EIF3D: variants seen among roughly 807,000 people sequenced by gnomAD.
The protein encoded by EIF3D is eIF3 p66.
A neutral mutation model predicts 75.4 loss-of-function variants in EIF3D; 10 were observed. The ratio of observed to expected loss-of-function variants is 0.13; its 90% CI spans 0.08 to 0.22. EIF3D has a LOEUF of 0.22. Ranked by LOEUF, EIF3D falls within the 10% of genes least tolerant of loss-of-function variation. EIF3D has a pLI of 1.00. For missense variants in EIF3D, 394 were observed against 708.0 expected (o/e 0.56, Z 5.03); for synonymous variants, 246 against 248.3 (o/e 0.99, Z 0.09).
At chr22:36,511,049 G>A (rs368574676) in intron 14 of EIF3D, 49 bp from the exon 15 acceptor site, 46 of 1,591,416 alleles carry the variant, frequency 2.9e-5, no homozygotes, top group Non-Finnish European at 3.7e-5. Context: ...TGTGTGATAT[G>A]ATGTTCACTT....
chr22:36,521,585 A>T (rs751202062), intron 6 of EIF3D, among the ~76,000 whole-genome samples: 8 of 152,172 alleles, frequency 5.3e-5, no homozygotes, highest in Non-Finnish European at 1.2e-4. Flanking sequence ...GCTCAAAACA[A>T]CATGATGTAT....
At chr22:36,522,845 C>T (rs1392783409) in intron 6 of EIF3D, among the ~76,000 whole-genome samples, 2 of 152,134 alleles carry the variant, frequency 1.3e-5, no homozygotes, top group African/African-American at 2.4e-5. Context: ...ACCCTGCTCC[C>T]GCTTCTGCTT....
chr22:36,522,281 C>T (rs1354758977), intron 6 of EIF3D, among the ~76,000 whole-genome samples: 3 of 152,050 alleles, frequency 2.0e-5, no homozygotes, highest in African/African-American at 7.2e-5. Context: ...TTGAACCCAG[C>T]AGGCAGAGGT....
At position 36,526,107 on chromosome 22, in the gene EIF3D, C is replaced by T. The variant is rs1402475551; in HGVS notation, c.15G>A (p.Met5Ile). Residue 5 changes from methionine to isoleucine, a missense_variant, in exon 2 of 15, where the codon ATG becomes ATA. Physicochemically the swap from Met to Ile is conservative, Grantham distance 10. Coordinates refer to ENST00000216190, the MANE Select transcript of EIF3D (RefSeq NM_003753.4). ...AGGGGTTGTCCTGGATCACGGGTGT[C>T]ATGAACTTTGCCATCTTCCAAAATC... Reference protein sequence around the residue: MAKFMTPVIQDNPSG... With the variant: MAKFITPVIQDNPSG... The T allele has an allele frequency of 6.2e-7, 1 of 1,606,500 alleles. No individual in the cohort carries two copies. Among genetic ancestry groups the T allele is most frequent in the Admixed American group, 1.7e-5 (1 of 58,644 alleles).
In EIF3D at chr22:36,520,606, C is replaced by T. The variant is rs749458696; in HGVS notation, c.548G>A (p.Arg183His). 5.0e-6 allele frequency: 8 copies of T among 1,613,116 alleles called. No homozygotes were observed. Among genetic ancestry groups the T allele is most frequent in the East Asian group, 4.5e-5 (2 of 44,866 alleles). ...CTGTGGCTCTGATACTTCCAAGTAG[C>T]GCATCTTCATCAACTGAGGAAAATC... ...EMDFPQLMKM[R>H]YLEVSEPQDI... is the part of the protein sequence containing the mutation. The change falls in exon 7 of 15, where the codon CGC becomes CAC. Residue 183 changes from arginine (R) to histidine (H), a missense_variant. Physicochemically the swap from Arg to His is conservative, Grantham distance 29 (BLOSUM62 0). Coordinates refer to ENST00000216190, the MANE Select transcript of EIF3D (RefSeq NM_003753.4).
intron 12 of EIF3D, among the ~76,000 whole-genome samples, chr22:36,515,894 CG>C (rs576909294): frequency 1.3e-4 from 1 of 7,558 alleles, no homozygotes; most frequent in Admixed American, 2.0e-3. Context: ...GTGATGTGGG[CG>C]GGGGGGCGGA....
intron 1 of EIF3D, among the ~76,000 whole-genome samples, chr22:36,527,265 C>T (rs1934619654): frequency 6.6e-6 from 1 of 152,170 alleles, no homozygotes; most frequent in Non-Finnish European, 1.5e-5. Context: ...AGGTAGGAGC[C>T]AATGTTATCC....
intron 1 of EIF3D, among the ~76,000 whole-genome samples, chr22:36,528,111 C>T (rs952947564): frequency 6.6e-6 from 1 of 152,124 alleles, no homozygotes; most frequent in Non-Finnish European, 1.5e-5. Context: ...CACCCCCCCA[C>T]CCCTACTTTA....
Position 36,512,610 on chromosome 22 carries a change from A to G in EIF3D, c.1207-8T>C, listed in dbSNP as rs887013185. 1.1e-5 allele frequency: 17 copies of G among 1,608,420 alleles called. No homozygotes were observed. The highest frequency in any genetic ancestry group is 1.4e-5 in the Non-Finnish European group (17 of 1,175,486). ...GTCAACGCCATTACAGTGCTGCAGG[A>G]GAGCCCCGTTAGAGAAACAGAAGCA... On this transcript the variant is annotated splice_polypyrimidine_tract_variant and splice_region_variant and intron_variant, in intron 12 of 14. Transcript: ENST00000216190.
chr22:36,527,425 C>T (rs540195388), intron 1 of EIF3D, among the ~76,000 whole-genome samples: 1 of 152,226 alleles, frequency 6.6e-6, no homozygotes, highest in Non-Finnish European at 1.5e-5. Flanking sequence ...AATTAAAAAA[C>T]CGGCGCTGTA....
chr22:36,517,112 G>A (rs1415594322), intron 10 of EIF3D, among the ~76,000 whole-genome samples, 189 bp downstream of exon 10: 1 of 152,116 alleles, frequency 6.6e-6, no homozygotes, highest in Non-Finnish European at 1.5e-5. Flanking sequence ...AATTCTGTAA[G>A]GGCAGGAACT....
At chr22:36,516,384 A>T in intron 12 of EIF3D, 94 bp downstream of exon 12, 1 of 1,469,908 alleles carries the variant, frequency 6.8e-7, no homozygotes, top group Middle Eastern at 2.5e-4. Flanking sequence ...GAAAGGGGAT[A>T]AGAAACAGTT....
intron 7 of EIF3D, 65 bp downstream of exon 7, chr22:36,520,511 T>C (rs1934495865): frequency 8.8e-7 from 1 of 1,138,572 alleles, no homozygotes; most frequent in African/African-American, 1.6e-5. Context: ...CTTAAGAAAA[T>C]ACCCATCACC....
At chr22:36,513,567 T>C (rs1336843844) in intron 12 of EIF3D, among the ~76,000 whole-genome samples, 1 of 152,218 alleles carries the variant, frequency 6.6e-6, no homozygotes, top group Non-Finnish European at 1.5e-5. Flanking sequence ...CCTCCCAAAG[T>C]GCTGGGATTA....
At chr22:36,518,707 C>G (rs1934466026) in intron 9 of EIF3D, 56 bp downstream of exon 9, 1 of 1,602,296 alleles carries the variant, frequency 6.2e-7, no homozygotes, top group Non-Finnish European at 8.5e-7. Context: ...GAGACTTGTT[C>G]TGTACCAACA....
chr22:36,523,111 G>A, intron 6 of EIF3D, 98 bp downstream of exon 6: 1 of 995,798 alleles, frequency 1.0e-6, no homozygotes, highest in Non-Finnish European at 1.6e-6. Flanking sequence ...CCACTAAATT[G>A]TACGGTATGT....
intron 12 of EIF3D, among the ~76,000 whole-genome samples, chr22:36,515,600 T>C (rs1934411417): frequency 6.6e-6 from 1 of 152,052 alleles, no homozygotes; most frequent in Non-Finnish European, 1.5e-5. Flanking sequence ...TGTTAATTTG[T>C]TATGGTGCGA....
intron 6 of EIF3D, among the ~76,000 whole-genome samples, chr22:36,521,085 A>T (rs949465145): frequency 6.6e-6 from 1 of 152,164 alleles, no homozygotes; most frequent in East Asian, 1.9e-4. Flanking sequence ...CTGTAATCCC[A>T]GCTACTCGGG....
chr22:36,528,502 C>T (rs1934642434), intron 1 of EIF3D, among the ~76,000 whole-genome samples: 2 of 148,486 alleles, frequency 1.3e-5, no homozygotes, highest in South Asian at 2.1e-4. Flanking sequence ...GTACTAGTCA[C>T]AGGGGCAGGA....
Sources: gnomAD v4.1 joint callset for allele counts (sites outside exome capture counted in the v4.1 genomes callset) on GRCh38, gnomAD v4.1.1 for gene constraint, MANE v1.5 for transcripts, NCBI Gene and HGNC (gene_info 2026-07-23, HGNC 2026-07-21) for gene names.